Variants in MAP2K5 observed in about 807,000 individuals in gnomAD.
MAP2K5 encodes mitogen-activated protein kinase kinase 5.
Under a neutral mutation model 83.1 loss-of-function variants are expected in MAP2K5, and 49 were observed. The observed-to-expected ratio is 0.59, with a 90% CI of 0.47 to 0.75. The LOEUF is 0.75. Ranked by LOEUF, MAP2K5 falls within the 30% of genes least tolerant of loss-of-function variation. The probability of loss-of-function intolerance (pLI) is 0.00; values close to 1 mark genes in which losing one functional copy is unlikely to be tolerated. For synonymous variants in MAP2K5, 202 were observed against 191.8 expected (o/e 1.05, Z -0.44); for missense variants, 457 against 557.5 (o/e 0.82, Z 1.82).
At chr15:67,600,633 A>G in intron 7 of MAP2K5, 52 bp from the exon 8 acceptor site, 1 of 1,470,508 alleles carries the variant, frequency 6.8e-7, no homozygotes, top group Admixed American at 1.8e-5. Flanking sequence ...TTTCCTTGAC[A>G]TTTCCATCCA....
intron 13 of MAP2K5, among the ~76,000 whole-genome samples, chr15:67,681,693 G>A (rs2087821892): frequency 6.6e-6 from 1 of 152,106 alleles, no homozygotes; most frequent in Non-Finnish European, 1.5e-5. Context: ...AGGAGAATAA[G>A]TTAGTTTGCT....
At position 67,770,753 on chromosome 15, in the gene MAP2K5, C is replaced by A. The variant is rs2090126175; in HGVS notation, c.1196+1090C>A. On this transcript the variant is annotated intron_variant, in intron 20 of 21. Transcript: ENST00000178640. This position sits in a 1 kb window ranked among gnomAD's most constrained non-coding sequence, Gnocchi z 5.0. ...TGCTAAAGGGAAACCAAGAAATATT[C>A]CTTAATATAAATGTCAAGCTTTATC... 6.6e-6 allele frequency among the ~76,000 whole-genome samples: 1 copy of A among 152,146 alleles called. No individual in the cohort carries two copies. Among genetic ancestry groups the A allele is most frequent in the Non-Finnish European group, 1.5e-5 (1 of 68,026 alleles).
At chr15:67,641,717 C>A (rs556959497) in intron 9 of MAP2K5, 1 of 702,458 alleles carries the variant, frequency 1.4e-6, no homozygotes, top group East Asian at 1.3e-4. Flanking sequence ...CAAATTCTTT[C>A]CAGTTTGAAA....
chr15:67,585,697 G>A (rs2141001889), intron 4 of MAP2K5, 193 bp from the exon 5 acceptor site: 1 of 544,180 alleles, frequency 1.8e-6, no homozygotes, highest in Non-Finnish European at 3.3e-6. Context: ...AAAGCTCTTT[G>A]CATTTATAAA....
chr15:67,578,839 G>A (rs995606437), intron 3 of MAP2K5, among the ~76,000 whole-genome samples: 3 of 152,124 alleles, frequency 2.0e-5, no homozygotes, highest in Admixed American at 6.5e-5. Context: ...GGAAAAAAAA[G>A]CATTGCACCT....
rs2084999140 is a variant in MAP2K5, at chr15:67,573,920, T to C, written c.253-6834T>C. ...GTTTTTTGCTTTGTTATTTTACATA[T>C]AAACAAACATTGTACATAAGGTAGA... is the stretch of plus-strand genomic sequence containing the variant. On this transcript the variant is annotated intron_variant, in intron 3 of 21. Coordinates refer to ENST00000178640, the MANE Select transcript of MAP2K5 (RefSeq NM_145160.3). This position sits in a 1 kb window ranked among gnomAD's most constrained non-coding sequence, Gnocchi z 4.2. 6.6e-6 allele frequency among the ~76,000 whole-genome samples: 1 copy of C among 152,214 alleles called. No individual in the cohort carries two copies. The highest frequency in any genetic ancestry group is 1.5e-5 in the Non-Finnish European group (1 of 68,030).
At chr15:67,767,916 T>C (rs1678071651) in intron 19 of MAP2K5, among the ~76,000 whole-genome samples, 1 of 152,220 alleles carries the variant, frequency 6.6e-6, no homozygotes, top group South Asian at 2.1e-4. Flanking sequence ...TTAACCCTTC[T>C]CTACTGATGA....
intron 19 of MAP2K5, among the ~76,000 whole-genome samples, chr15:67,756,693 C>T (rs1053695615): frequency 1.3e-5 from 2 of 151,932 alleles, no homozygotes; most frequent in Non-Finnish European, 2.9e-5. Context: ...TCCTCATTTC[C>T]CCCACCCTCC....
At position 67,563,883 on chromosome 15, in the gene MAP2K5, C is replaced by T. The variant is rs1313724421; in HGVS notation, c.252+533C>T. Among the ~76,000 whole-genome samples the T allele has an allele frequency of 2.0e-5, 3 of 152,126 alleles. No individual in the cohort carries two copies. The highest frequency in any genetic ancestry group is 4.4e-5 in the Non-Finnish European group (3 of 68,016). ...GTGATCTGAATATATTCTGAAACGA[C>T]TTTTCTTTTGTGTTTAAAATTTTAC... On this transcript the variant is annotated intron_variant, in intron 3 of 21. Transcript: ENST00000178640. This position sits in a 1 kb window ranked among gnomAD's most constrained non-coding sequence, Gnocchi z 4.5.
chr15:67,632,659 C>T (rs962771803), intron 9 of MAP2K5, among the ~76,000 whole-genome samples: 2 of 152,182 alleles, frequency 1.3e-5, no homozygotes, highest in African/African-American at 4.8e-5. Context: ...CTCCAATATG[C>T]CTTTTTAGCT....
At chr15:67,551,740 G>C (rs1189756199) in intron 2 of MAP2K5, among the ~76,000 whole-genome samples, 3 of 152,102 alleles carry the variant, frequency 2.0e-5, no homozygotes, top group Non-Finnish European at 2.9e-5. Flanking sequence ...TCCTGGCTCA[G>C]GCTTGTGGGA....
chr15:67,570,273 A>T (rs550063367), intron 3 of MAP2K5, among the ~76,000 whole-genome samples: 8 of 152,326 alleles, frequency 5.3e-5, no homozygotes, highest in Middle Eastern at 3.4e-3. Context: ...TGTCATTTTC[A>T]CTTTCAAGTC....
intron 6 of MAP2K5, among the ~76,000 whole-genome samples, chr15:67,589,172 A>T (rs1354436651): frequency 6.6e-6 from 1 of 152,118 alleles, no homozygotes; most frequent in Admixed American, 6.5e-5. Flanking sequence ...TGATTTTTGG[A>T]TAGCTTAGGT....
intron 13 of MAP2K5, among the ~76,000 whole-genome samples, chr15:67,691,951 CAT>C (rs2088124833): frequency 6.6e-6 from 1 of 152,176 alleles, no homozygotes; most frequent in Non-Finnish European, 1.5e-5. Flanking sequence ...CCTTGTAAAA[CAT>C]GTGAAATAGC....
rs2084317684 is a variant in MAP2K5, at chr15:67,542,747, G to C, written c.-589G>C. Reference sequence around the variant, plus strand: ...CGCCGCTACCGCCGTCGCCGCCGCCGCAGCCGCCGCCAGTCCGCGCGGCCT... The same window carrying C: ...CGCCGCTACCGCCGTCGCCGCCGCCCCAGCCGCCGCCAGTCCGCGCGGCCT... On this transcript the variant is annotated 5_prime_UTR_variant, in exon 1 of 22. Transcript: ENST00000178640. 6.4e-6 allele frequency: 1 copy of C among 156,058 alleles called. No homozygotes were observed. Among genetic ancestry groups the C allele is most frequent in the African/African-American group, 2.4e-5 (1 of 41,432 alleles). 9.7% of individuals were successfully genotyped at this position (156,058 alleles called of 1,614,324 possible).
At chr15:67,788,864 C>T (rs2090463572) in intron 21 of MAP2K5, among the ~76,000 whole-genome samples, 1 of 151,408 alleles carries the variant, frequency 6.6e-6, no homozygotes, top group Non-Finnish European at 1.5e-5. Flanking sequence ...CCCAGCTTCT[C>T]AGGATGCTGA....
At chr15:67,804,235 C>T (rs1027092961) in intron 21 of MAP2K5, among the ~76,000 whole-genome samples, 31 of 152,362 alleles carry the variant, frequency 2.0e-4, no homozygotes, top group African/African-American at 7.5e-4. Flanking sequence ...TGGTGAACAG[C>T]TGCCAGCAGC....
At chr15:67,604,628 G>A (rs1407342027) in intron 8 of MAP2K5, among the ~76,000 whole-genome samples, 1 of 152,086 alleles carries the variant, frequency 6.6e-6, no homozygotes, top group East Asian at 1.9e-4. Context: ...GGGGTGCGGT[G>A]GCTCACGTCT....
chr15:67,645,914 G>A (rs1351242415), intron 9 of MAP2K5, among the ~76,000 whole-genome samples: 2 of 152,176 alleles, frequency 1.3e-5, no homozygotes, highest in East Asian at 3.9e-4. Flanking sequence ...TTTGAAAATA[G>A]CCAATGTGGC....
Sources: gnomAD v4.1 joint callset for allele counts (sites outside exome capture counted in the v4.1 genomes callset) on GRCh38, gnomAD v4.1.1 for gene constraint, Gnocchi (gnomAD v3.1) non-coding constraint, MANE v1.5 for transcripts, NCBI Gene and HGNC (gene_info 2026-07-23, HGNC 2026-07-21) for gene names.